ABL2: variants seen among roughly 807,000 people sequenced by gnomAD.
The protein encoded by ABL2 is tyrosine-protein kinase ABL2.
In ABL2, 49 loss-of-function variants were observed where a neutral mutation model predicts 107.7. That is an observed-to-expected ratio of 0.45 (90% CI 0.36 to 0.58). The LOEUF (loss-of-function observed/expected upper bound fraction) is 0.58, where lower values mean the gene tolerates loss of function less well. Ranked by LOEUF, ABL2 falls within the 20% of genes least tolerant of loss-of-function variation. The pLI is 0.00. For synonymous variants in ABL2, 549 were observed against 548.6 expected, an observed-to-expected ratio of 1.00 and a Z score of -0.01; for missense variants, 1,245 against 1,457.0, an observed-to-expected ratio of 0.85 and a Z score of 2.37.
At chr1:179,197,128 T>C (rs1661361769) in intron 1 of ABL2, among the ~76,000 whole-genome samples, 1 of 152,100 alleles carries the variant, frequency 6.6e-6, no homozygotes, top group Non-Finnish European at 1.5e-5. Context: ...AACGAGGCAA[T>C]ATTTGAAGAT....
chr1:179,122,115 A>G (rs1655269936), intron 4 of ABL2, among the ~76,000 whole-genome samples: 1 of 151,038 alleles, frequency 6.6e-6, no homozygotes, highest in Non-Finnish European at 1.5e-5. Flanking sequence ...TTTAGTAGAG[A>G]TGGGGTTTCA....
chr1:179,177,782 G>A (rs944215527), intron 1 of ABL2, among the ~76,000 whole-genome samples: 2 of 152,092 alleles, frequency 1.3e-5, no homozygotes, highest in African/African-American at 4.8e-5. Context: ...CTTTTTGGTT[G>A]GAGAATAAGA....
chr1:179,117,063 C>A (rs1169414419), intron 8 of ABL2: 2 of 439,210 alleles, frequency 4.6e-6, no homozygotes, highest in Non-Finnish European at 8.4e-6. Flanking sequence ...GTCTCGAACT[C>A]TTGACCTCAA....
Position 179,109,051 on chromosome 1 carries a change from C to A in ABL2, c.2216G>T (p.Gly739Val). 1.2e-6 allele frequency: 1 copy of A among 809,816 alleles called. No individual in the cohort carries two copies. The highest frequency in any genetic ancestry group is 1.9e-6 in the Non-Finnish European group (1 of 535,582). 50.2% of individuals were successfully genotyped at this position (809,816 alleles called of 1,614,324 possible). A position where few individuals can be genotyped will look rare whatever the true frequency, so the allele number is the denominator to read the frequency against. Residue 739 changes from glycine to valine, a missense_variant, in exon 12 of 12, where the codon GGC becomes GTC. Transcript: ENST00000502732. Reference protein sequence around the residue: ...NDDGGGGGGSGTAGGGWSGIT... With the variant: ...NDDGGGGGGSVTAGGGWSGIT... ...GCCAGACCACCCACCCCCAGCAGTG[C>A]CACTGCCCCCACCCCCACCACCGTC... is the stretch of plus-strand genomic sequence containing the variant.
chr1:179,212,626 G>A lies in ABL2; in HGVS notation c.157+16615C>T, dbSNP rs561741085. ...CAAATGCCTGTAATCCCAGCTACGCGGGAGGCTGAGGCAGGAGAATTGCTT... is the reference window on the plus strand; with the variant it reads ...CAAATGCCTGTAATCCCAGCTACGCAGGAGGCTGAGGCAGGAGAATTGCTT... On this transcript the variant is annotated intron_variant, in intron 1 of 11. Coordinates refer to ENST00000502732, the MANE Select transcript of ABL2 (RefSeq NM_007314.4). Among the ~76,000 whole-genome samples the A allele has an allele frequency of 4.6e-5, 7 of 152,114 alleles. No homozygotes were observed. In the East Asian group the frequency reaches 7.7e-4, roughly 17 times the overall value.
intron 1 of ABL2, among the ~76,000 whole-genome samples, chr1:179,227,688 A>G (rs190366935): frequency 2.0e-4 from 30 of 152,312 alleles, no homozygotes; most frequent in African/African-American, 6.7e-4. Context: ...TGATTTTAAT[A>G]AAGATTAGCT....
chr1:179,178,888 G>C (rs1369185898), intron 1 of ABL2, among the ~76,000 whole-genome samples: 1 of 152,048 alleles, frequency 6.6e-6, no homozygotes, highest in African/African-American at 2.4e-5. Flanking sequence ...CTGGGCAACA[G>C]AGCAAGACCC....
chr1:179,126,462 TCA>T lies in ABL2; in HGVS notation c.600_601del (p.Ser200ArgfsTer3). The T allele has an allele frequency of 6.2e-7, 1 of 1,614,184 alleles. No individual in the cohort carries two copies. Among genetic ancestry groups the T allele is most frequent in the Admixed American group, 1.7e-5 (1 of 60,012 alleles). ...GATGGACAGCTGCCCAGGGCTACTCTCACTTTCTCGCACCAGGAAGCTGCCAT... is the reference window on the plus strand; with the variant it reads ...GATGGACAGCTGCCCAGGGCTACTCTCTTTCTCGCACCAGGAAGCTGCCAT... On this transcript the variant is annotated frameshift_variant, in exon 4 of 12. Transcript: ENST00000502732. LOFTEE classifies it high-confidence loss of function. This position sits in a 1 kb window ranked among gnomAD's most constrained non-coding sequence, Gnocchi z 4.4.
At position 179,169,374 on chromosome 1, in the gene ABL2, C is replaced by T. The variant is rs111454835; in HGVS notation, c.158-36000G>A. Among the ~76,000 whole-genome samples the T allele has an allele frequency of 3.9e-3, 591 of 151,952 alleles. 1 individual carries two copies. Among genetic ancestry groups the T allele is most frequent in the African/African-American group, 0.014 (562 of 41,450 alleles). On this transcript the variant is annotated intron_variant, in intron 1 of 11. Coordinates refer to ENST00000502732, the MANE Select transcript of ABL2 (RefSeq NM_007314.4). ...CCATCCTGGCTAACACAGTGAAACC[C>T]GGTCTCTACAAAAAATACAAAAAAT...
At chr1:179,141,115 CAAAAAAAAAAAA>C (rs34158477) in intron 1 of ABL2, among the ~76,000 whole-genome samples, 1 of 62,922 alleles carries the variant, frequency 1.6e-5, no homozygotes, top group Non-Finnish European at 3.2e-5. Context: ...GACTCTGTCT[CAAAAAAAAAAAA>C]AAAAAAAAAA....
At chr1:179,163,465 G>A (rs1056219449) in intron 1 of ABL2, among the ~76,000 whole-genome samples, 1 of 151,994 alleles carries the variant, frequency 6.6e-6, no homozygotes, top group African/African-American at 2.4e-5. Flanking sequence ...TCCCAAACTG[G>A]GCCAGGCGCA....
chr1:179,225,517 C>T (rs751755804), intron 1 of ABL2, among the ~76,000 whole-genome samples: 1 of 152,204 alleles, frequency 6.6e-6, no homozygotes, highest in Non-Finnish European at 1.5e-5. Flanking sequence ...TCATTCAATT[C>T]AGAATCTATC....
At chr1:179,168,696 A>T (rs1659535596) in intron 1 of ABL2, among the ~76,000 whole-genome samples, 1 of 152,198 alleles carries the variant, frequency 6.6e-6, no homozygotes, top group African/African-American at 2.4e-5. Flanking sequence ...CTTGTACAGG[A>T]CACAGAGTAG....
In ABL2 at chr1:179,107,800, G is replaced by A. The variant is rs1321403969; in HGVS notation, c.3467C>T (p.Ala1156Val). 5.6e-6 allele frequency: 9 copies of A among 1,614,228 alleles called. No homozygotes were observed. The highest frequency in any genetic ancestry group is 3.3e-5 in the Admixed American group (2 of 60,022). Residue 1156 changes from alanine to valine, a missense_variant, in exon 12 of 12, where the codon GCT (alanine) becomes GTT (valine). Transcript: ENST00000502732. The stretch of plus-strand genomic sequence containing the variant: ...AGGGTTTGTCCCGGGCACACCAGCA[G>A]CTGCTGAAGAAACCTGTAGCTCCTG... Reference protein sequence around the residue: ...SLQELQVSSAAAGVPGTNPVL... With the variant: ...SLQELQVSSAVAGVPGTNPVL...
At chr1:179,183,183 TACACATGG>T (rs1270011859) in intron 1 of ABL2, among the ~76,000 whole-genome samples, 1 of 151,960 alleles carries the variant, frequency 6.6e-6, no homozygotes, top group Non-Finnish European at 1.5e-5. Flanking sequence ...AAATAATGTG[TACACATGG>T]ACACAGAGTG....
At chr1:179,208,827 G>A (rs1300460777) in intron 1 of ABL2, among the ~76,000 whole-genome samples, 1 of 152,184 alleles carries the variant, frequency 6.6e-6, no homozygotes, top group African/African-American at 2.4e-5. Flanking sequence ...AGTTAAGAGT[G>A]TAATTTTTGG....
Position 179,186,419 on chromosome 1 carries a change from C to A in ABL2, c.157+42822G>T, listed in dbSNP as rs147044158. ...TTGAGAGGGAGTTTCGCTCTTCTTG[C>A]CCAGGCTAGAGTGCAATGGCGTGAT... On this transcript the variant is annotated intron_variant, in intron 1 of 11. Coordinates refer to ENST00000502732, the MANE Select transcript of ABL2 (RefSeq NM_007314.4). Among the ~76,000 whole-genome samples the A allele has an allele frequency of 1.4e-4, 22 of 152,144 alleles. No individual in the cohort carries two copies. The East Asian group carries it at 3.9e-3, about 27-fold the overall frequency.
chr1:179,169,397 A>C (rs1402653058), intron 1 of ABL2, among the ~76,000 whole-genome samples: 1 of 151,932 alleles, frequency 6.6e-6, no homozygotes, highest in African/African-American at 2.4e-5. Flanking sequence ...AAATACAAAA[A>C]ATTAGCTGGG....
intron 1 of ABL2, among the ~76,000 whole-genome samples, chr1:179,136,426 C>T (rs955192435): frequency 2.0e-5 from 3 of 152,152 alleles, no homozygotes; most frequent in Admixed American, 1.3e-4. Context: ...CCCTGTGCTC[C>T]CTGAAACATG....
Sources: allele counts gnomAD v4.1 joint callset (sites outside exome capture counted in the v4.1 genomes callset), GRCh38; gene constraint gnomAD v4.1.1; non-coding constraint Gnocchi (gnomAD v3.1); transcripts MANE v1.5; gene names NCBI Gene and HGNC (gene_info 2026-07-23, HGNC 2026-07-21).